Variants in PCDH9 observed in about 807,000 individuals in gnomAD.
The protein encoded by PCDH9 is protocadherin-9.
In PCDH9, 24 loss-of-function variants were observed where a neutral mutation model predicts 70.6. The ratio of observed to expected loss-of-function variants is 0.34; its 90% CI spans 0.25 to 0.48. The LOEUF is 0.48. Ranked by LOEUF, PCDH9 falls within the 20% of genes least tolerant of loss-of-function variation. The pLI, the probability that PCDH9 is intolerant of heterozygous loss-of-function variation, is 0.99. For missense variants in PCDH9, 1,281 were observed against 1,503.6 expected (o/e 0.85, Z 2.45); for synonymous variants, 562 against 558.5 (o/e 1.01, Z -0.09).
At chr13:67,217,647 T>C (rs2089638295) in intron 2 of PCDH9, 1 of 152,076 alleles carries the variant, frequency 6.6e-6, no homozygotes, top group Non-Finnish European at 1.5e-5. Context: ...ATTCTAAAAA[T>C]ACAGTTTGAG....
chr13:66,598,259 G>T (rs2077126479), intron 4 of PCDH9, among the ~76,000 whole-genome samples: 1 of 151,648 alleles, frequency 6.6e-6, no homozygotes, highest in African/African-American at 2.4e-5. Context: ...TTGAATTTAA[G>T]ATTTGGAAGC....
At chr13:66,633,472 C>T (rs1004304346) in intron 3 of PCDH9, among the ~76,000 whole-genome samples, 8 of 152,190 alleles carry the variant, frequency 5.3e-5, no homozygotes, top group African/African-American at 1.9e-4. Flanking sequence ...CAAATATTAG[C>T]CATTTATGTT....
At chr13:66,636,868 T>C (rs2077645115) in intron 3 of PCDH9, among the ~76,000 whole-genome samples, 1 of 152,082 alleles carries the variant, frequency 6.6e-6, no homozygotes, top group African/African-American at 2.4e-5. Flanking sequence ...TTTTGCTATA[T>C]CTCTGCATAA....
intron 2 of PCDH9, among the ~76,000 whole-genome samples, chr13:67,045,716 C>T (rs1359957633): frequency 6.6e-6 from 1 of 152,080 alleles, no homozygotes; most frequent in Non-Finnish European, 1.5e-5. Flanking sequence ...GTTTTCAATG[C>T]TCTTATCATG....
chr13:66,853,401 G>A (rs968544613), intron 3 of PCDH9, among the ~76,000 whole-genome samples: 1 of 151,910 alleles, frequency 6.6e-6, no homozygotes, highest in Non-Finnish European at 1.5e-5. Context: ...AAAGCTTCTG[G>A]AGTCCCATCC....
At chr13:66,858,987 GT>G (rs2081438880) in intron 3 of PCDH9, 1 of 152,078 alleles carries the variant, frequency 6.6e-6, no homozygotes, top group Admixed American at 6.6e-5. Context: ...ATATTTTACA[GT>G]AATTATTGGT....
At chr13:66,868,465 A>G (rs1657765215) in intron 3 of PCDH9, among the ~76,000 whole-genome samples, 1 of 152,060 alleles carries the variant, frequency 6.6e-6, no homozygotes, top group Non-Finnish European at 1.5e-5. Flanking sequence ...CAAATTTACC[A>G]ATGTACTTTT....
At chr13:66,714,578 T>C (rs1019243497) in intron 3 of PCDH9, among the ~76,000 whole-genome samples, 8 of 152,160 alleles carry the variant, frequency 5.3e-5, no homozygotes, top group African/African-American at 1.7e-4. Flanking sequence ...AAATTAATGG[T>C]ATATGACTGT....
At chr13:67,006,815 A>T (rs2084363082) in intron 2 of PCDH9, among the ~76,000 whole-genome samples, 1 of 152,146 alleles carries the variant, frequency 6.6e-6, no homozygotes, top group African/African-American at 2.4e-5. Context: ...TTTCAATAAG[A>T]TATAAGTGAC....
At chr13:67,044,795 T>C (rs1354146900) in intron 2 of PCDH9, among the ~76,000 whole-genome samples, 1 of 152,046 alleles carries the variant, frequency 6.6e-6, no homozygotes, top group African/African-American at 2.4e-5. Flanking sequence ...TCAGTTTGCA[T>C]CAGGATTTCA....
At chr13:66,644,312 G>A (rs886707129) in intron 3 of PCDH9, among the ~76,000 whole-genome samples, 2 of 140,982 alleles carry the variant, frequency 1.4e-5, no homozygotes, top group Non-Finnish European at 3.1e-5. Context: ...CTCATCATAT[G>A]TAACAGATGC....
intron 3 of PCDH9, among the ~76,000 whole-genome samples, chr13:66,739,604 G>A (rs9670281): frequency 0.59 from 88,000 of 148,086 alleles, 27,540 homozygotes; most frequent in Non-Finnish European, 0.71. Flanking sequence ...CCCATCTCAC[G>A]TGCAGAGACA....
At chr13:66,627,977 T>C (rs1413187167) in intron 4 of PCDH9, among the ~76,000 whole-genome samples, 2 of 152,214 alleles carry the variant, frequency 1.3e-5, no homozygotes, top group Admixed American at 6.5e-5. Context: ...GCAGCTTAGT[T>C]TAAGCATACT....
At chr13:66,896,733 A>G (rs1390187195) in intron 3 of PCDH9, among the ~76,000 whole-genome samples, 6 of 152,216 alleles carry the variant, frequency 3.9e-5, no homozygotes, top group Non-Finnish European at 8.8e-5. Context: ...CTAAGAATAT[A>G]AAATTTAATA....
intron 2 of PCDH9, among the ~76,000 whole-genome samples, chr13:66,990,014 T>C (rs2083969659): frequency 6.6e-6 from 1 of 151,940 alleles, no homozygotes. Flanking sequence ...GTATAATAAA[T>C]GTATCATTAA....
chr13:66,502,419 C>T (rs896852789), intron 4 of PCDH9, among the ~76,000 whole-genome samples: 1 of 151,996 alleles, frequency 6.6e-6, no homozygotes, highest in Non-Finnish European at 1.5e-5. Flanking sequence ...CTTTTGTGAT[C>T]AAAATATTTT....
At chr13:66,687,741 T>C (rs2078424623) in intron 3 of PCDH9, among the ~76,000 whole-genome samples, 1 of 152,124 alleles carries the variant, frequency 6.6e-6, no homozygotes, top group East Asian at 1.9e-4. Context: ...CCCATCCATA[T>C]CTACTGACAC....
intron 4 of PCDH9, among the ~76,000 whole-genome samples, chr13:66,388,591 G>C (rs1225781094): frequency 1.3e-5 from 2 of 152,008 alleles, no homozygotes; most frequent in Admixed American, 1.3e-4. Context: ...TTCAAGAATT[G>C]AAAGAAAAAT....
chr13:66,644,357 CTG>C (rs2077745093), intron 3 of PCDH9, among the ~76,000 whole-genome samples: 2 of 151,624 alleles, frequency 1.3e-5, no homozygotes, highest in Admixed American at 1.3e-4. Flanking sequence ...GTAGGGAAAA[CTG>C]TGTTCAATAA....
Sources: allele counts gnomAD v4.1 joint callset (sites outside exome capture counted in the v4.1 genomes callset), GRCh38; gene constraint gnomAD v4.1.1; transcripts MANE v1.5; gene names NCBI Gene and HGNC (gene_info 2026-07-23, HGNC 2026-07-21).